The following NXPH2 variants were observed in gnomAD, a reference collection of about 807,000 sequenced individuals.
NXPH2 encodes neurexophilin-2.
In NXPH2, 5 loss-of-function variants were observed where a neutral mutation model predicts 19.8. The ratio of observed to expected loss-of-function variants is 0.25; its 90% confidence interval spans 0.13 to 0.53. The LOEUF (loss-of-function observed/expected upper bound fraction) is 0.53. Ranked by LOEUF, NXPH2 falls within the 20% of genes least tolerant of loss-of-function variation. The probability of loss-of-function intolerance (pLI) is 0.96; values close to 1 mark genes in which losing one functional copy is unlikely to be tolerated. For missense variants in NXPH2, 289 were observed against 322.8 expected (o/e 0.90, Z 0.80); for synonymous variants, 154 against 127.4 (o/e 1.21, Z -1.41).
chr2:138,684,196 A>C (rs1319104334), intron 1 of NXPH2, among the ~76,000 whole-genome samples: 4 of 152,196 alleles, frequency 2.6e-5, no homozygotes, highest in Admixed American at 1.3e-4. Context: ...TGGCTTGTCC[A>C]AGGTCCAAGT....
intron 1 of NXPH2, among the ~76,000 whole-genome samples, chr2:138,751,791 A>C (rs1210251016): frequency 6.6e-6 from 1 of 152,130 alleles, no homozygotes; most frequent in African/African-American, 2.4e-5. Flanking sequence ...TTTAAAATTA[A>C]TGTTATCATA....
At chr2:138,748,395 T>A (rs1379115994) in intron 1 of NXPH2, among the ~76,000 whole-genome samples, 1 of 152,212 alleles carries the variant, frequency 6.6e-6, no homozygotes, top group Non-Finnish European at 1.5e-5. Context: ...CAATGAGGCA[T>A]CCTGTTGCCC....
intron 1 of NXPH2, among the ~76,000 whole-genome samples, chr2:138,703,959 C>T (rs375127867): frequency 1.2e-3 from 189 of 152,314 alleles, no homozygotes; most frequent in African/African-American, 4.4e-3. Context: ...TTTCCTGCGC[C>T]ACCAGCCTGG....
intron 1 of NXPH2, among the ~76,000 whole-genome samples, chr2:138,779,078 C>T (rs1355032745): frequency 6.6e-6 from 1 of 152,122 alleles, no homozygotes; most frequent in Non-Finnish European, 1.5e-5. Context: ...TTGATTTTCC[C>T]CCTAATAGGA....
At chr2:138,718,425 G>T (rs1681223997) in intron 1 of NXPH2, among the ~76,000 whole-genome samples, 2 of 152,080 alleles carry the variant, frequency 1.3e-5, no homozygotes, top group Non-Finnish European at 2.9e-5. Context: ...CCCTCTCTGG[G>T]ATAATGACTA....
chr2:138,724,009 G>A (rs1055805863), intron 1 of NXPH2, among the ~76,000 whole-genome samples: 5 of 151,230 alleles, frequency 3.3e-5, no homozygotes, highest in African/African-American at 1.2e-4. Flanking sequence ...GTGTCATGGG[G>A]ATTTATTGTA....
intron 1 of NXPH2, among the ~76,000 whole-genome samples, chr2:138,753,676 C>G (rs1011741095): frequency 1.6e-4 from 24 of 152,072 alleles, no homozygotes; most frequent in African/African-American, 5.6e-4. Flanking sequence ...ACAGATGTCA[C>G]CAACTCTAAT....
chr2:138,699,726 G>T (rs577499866), intron 1 of NXPH2, among the ~76,000 whole-genome samples: 13 of 152,312 alleles, frequency 8.5e-5, no homozygotes, highest in African/African-American at 2.9e-4. Context: ...CTGAGTCAGA[G>T]CTTTGGGTGA....
chr2:138,690,151 G>A (rs1307722679), intron 1 of NXPH2, among the ~76,000 whole-genome samples: 1 of 151,994 alleles, frequency 6.6e-6, no homozygotes, highest in African/African-American at 2.4e-5. Context: ...CCACCTATGC[G>A]TCTCTGTCCG....
intron 1 of NXPH2, among the ~76,000 whole-genome samples, chr2:138,717,094 T>C (rs1178179875): frequency 1.3e-5 from 2 of 152,124 alleles, no homozygotes; most frequent in Non-Finnish European, 2.9e-5. Flanking sequence ...GAAATAACAA[T>C]GATCCATCAC....
chr2:138,730,668 G>A (rs1681434243), intron 1 of NXPH2, among the ~76,000 whole-genome samples: 1 of 152,112 alleles, frequency 6.6e-6, no homozygotes, highest in South Asian at 2.1e-4. Flanking sequence ...AGTCAGACAT[G>A]ATCAAAGTTC....
At chr2:138,723,706 A>G (rs1681313519) in intron 1 of NXPH2, among the ~76,000 whole-genome samples, 2 of 152,200 alleles carry the variant, frequency 1.3e-5, no homozygotes, top group South Asian at 4.2e-4. Flanking sequence ...GTGGAGTATC[A>G]TTATTTCCGC....
chr2:138,739,948 A>G (rs1681616957), intron 1 of NXPH2, among the ~76,000 whole-genome samples: 1 of 152,170 alleles, frequency 6.6e-6, no homozygotes, highest in Non-Finnish European at 1.5e-5. Flanking sequence ...GGAAATTTGG[A>G]TATATAGACT....
At chr2:138,722,005 G>A (rs1681285614) in intron 1 of NXPH2, among the ~76,000 whole-genome samples, 1 of 152,234 alleles carries the variant, frequency 6.6e-6, no homozygotes, top group Non-Finnish European at 1.5e-5. Context: ...GCTACAGACA[G>A]TCAGACTGGG....
chr2:138,725,452 A>G (rs1302392701), intron 1 of NXPH2, among the ~76,000 whole-genome samples: 2 of 152,218 alleles, frequency 1.3e-5, no homozygotes, highest in East Asian at 3.8e-4. Flanking sequence ...GTGAATCCAT[A>G]AAGTTAGGAT....
rs1225398722 is a variant in NXPH2, at chr2:138,669,944, C to T, written c.*978G>A. 6.6e-6 allele frequency among the ~76,000 whole-genome samples: 1 copy of T among 152,170 alleles called. No homozygotes were observed. The highest frequency in any genetic ancestry group is 1.5e-5 in the Non-Finnish European group (1 of 68,028). ...TAACTAAATGCAAGGGGAACTTAATCTGGGAGGCTAGAAATAATGAATCCA... is the reference window on the plus strand; with the variant it reads ...TAACTAAATGCAAGGGGAACTTAATTTGGGAGGCTAGAAATAATGAATCCA... On this transcript the variant is annotated 3_prime_UTR_variant, in exon 2 of 2. Transcript: ENST00000272641.
intron 1 of NXPH2, among the ~76,000 whole-genome samples, chr2:138,773,182 G>A (rs73961534): frequency 1.2e-4 from 18 of 152,340 alleles, no homozygotes; most frequent in African/African-American, 4.3e-4. Flanking sequence ...GGAGACACCG[G>A]CTTGGAGCCT....
At chr2:138,704,825 T>A (rs1451226374) in intron 1 of NXPH2, among the ~76,000 whole-genome samples, 1 of 18,354 alleles carries the variant, frequency 5.4e-5, no homozygotes, top group African/African-American at 1.7e-4. Context: ...CCCAGCTAAT[T>A]TTTTTTTTTT....
chr2:138,745,086 T>C (rs1354538550), intron 1 of NXPH2, among the ~76,000 whole-genome samples: 1 of 152,168 alleles, frequency 6.6e-6, no homozygotes, highest in African/African-American at 2.4e-5. Flanking sequence ...CTGCTGCCCC[T>C]AAGACTAACC....
Sources: allele counts gnomAD v4.1 joint callset (sites outside exome capture counted in the v4.1 genomes callset), GRCh38; gene constraint gnomAD v4.1.1; transcripts MANE v1.5; gene names NCBI Gene and HGNC (gene_info 2026-07-23, HGNC 2026-07-21).